SCPPPQ1: variants seen among roughly 807,000 people sequenced by gnomAD.
SCPPPQ1 encodes secretory calcium-binding phosphoprotein proline-glutamine rich 1, also known as secretory calcium-binding phosphoprotein proline- and glutamine-rich 1.
chr4:87,469,301 A>G, the SCPPPQ1 span, among the ~76,000 whole-genome samples: 6 of 152,222 alleles, frequency 3.9e-5, no homozygotes, highest in African/African-American at 1.2e-4. Flanking sequence ...CCTTAGATGC[A>G]TTAAAAAAAT....
the SCPPPQ1 span, among the ~76,000 whole-genome samples, chr4:87,462,905 GGA>G: frequency 6.6e-6 from 1 of 150,942 alleles, no homozygotes; most frequent in African/African-American, 2.4e-5. Flanking sequence ...GGCTGAGGCA[GGA>G]GAATCGCTTG....
chr4:87,462,629 C>A, the SCPPPQ1 span, among the ~76,000 whole-genome samples: 1 of 152,122 alleles, frequency 6.6e-6, no homozygotes, highest in African/African-American at 2.4e-5. Flanking sequence ...GCCTTGAGAT[C>A]AGTCCATTTC....
At chr4:87,465,404 T>A in the SCPPPQ1 span, among the ~76,000 whole-genome samples, 2 of 152,106 alleles carry the variant, frequency 1.3e-5, no homozygotes, top group African/African-American at 2.4e-5. Flanking sequence ...CCAAAGAGAA[T>A]GTTAGCCAGT....
At chr4:87,466,415 A>G in the SCPPPQ1 span, among the ~76,000 whole-genome samples, 1 of 152,148 alleles carries the variant, frequency 6.6e-6, no homozygotes, top group Non-Finnish European at 1.5e-5. Flanking sequence ...AGCAAACAAT[A>G]GGGAAACAAT....
At chr4:87,464,577 G>A in the SCPPPQ1 span, among the ~76,000 whole-genome samples, 5 of 152,076 alleles carry the variant, frequency 3.3e-5, no homozygotes, top group Non-Finnish European at 5.9e-5. Flanking sequence ...GGTGGCTCAC[G>A]CCTGTAATAC....
At chr4:87,461,252 C>T in the SCPPPQ1 span, among the ~76,000 whole-genome samples, 1 of 152,106 alleles carries the variant, frequency 6.6e-6, no homozygotes, top group Non-Finnish European at 1.5e-5. Flanking sequence ...GAAAGGTTGC[C>T]CGCAGTTTTA....
chr4:87,464,963 C>A, the SCPPPQ1 span, among the ~76,000 whole-genome samples: 1 of 152,156 alleles, frequency 6.6e-6, no homozygotes, highest in African/African-American at 2.4e-5. Context: ...TCAGTAAAAT[C>A]TTTTCAAAAG....
At chr4:87,466,983 A>G in the SCPPPQ1 span, among the ~76,000 whole-genome samples, 1 of 152,212 alleles carries the variant, frequency 6.6e-6, no homozygotes, top group African/African-American at 2.4e-5. Context: ...ATTTTAGACT[A>G]AAATAATTTT....
the SCPPPQ1 span, among the ~76,000 whole-genome samples, chr4:87,461,728 T>A: frequency 1.3e-5 from 2 of 152,204 alleles, no homozygotes; most frequent in Non-Finnish European, 2.9e-5. Flanking sequence ...TAACAGTATG[T>A]TTTCTTATGC....
chr4:87,464,327 T>C, the SCPPPQ1 span, among the ~76,000 whole-genome samples: 1 of 150,686 alleles, frequency 6.6e-6, no homozygotes, highest in South Asian at 2.1e-4. Flanking sequence ...TCATCATTTC[T>C]AAAGTTCAAT....
the SCPPPQ1 span, among the ~76,000 whole-genome samples, chr4:87,465,383 C>G: frequency 3.3e-5 from 5 of 151,920 alleles, no homozygotes; most frequent in Non-Finnish European, 5.9e-5. Flanking sequence ...ATATCAATAA[C>G]TAGTGGTCCC....
chr4:87,468,333 A>T, the SCPPPQ1 span, among the ~76,000 whole-genome samples: 1 of 152,200 alleles, frequency 6.6e-6, no homozygotes, highest in Non-Finnish European at 1.5e-5. Context: ...GGTGTTCTTG[A>T]TTTAGTTCTC....
At chr4:87,462,454 A>G in the SCPPPQ1 span, among the ~76,000 whole-genome samples, 1 of 151,364 alleles carries the variant, frequency 6.6e-6, no homozygotes, top group African/African-American at 2.4e-5. Flanking sequence ...AGGGATATAT[A>G]CCTTTTTGGT....
chr4:87,463,327 AAAC>A, the SCPPPQ1 span, among the ~76,000 whole-genome samples: 1 of 151,506 alleles, frequency 6.6e-6, no homozygotes, highest in African/African-American at 2.4e-5. Flanking sequence ...TTAAAAAAAA[AAAC>A]AACAAAAAAA....
At chr4:87,467,862 C>T in the SCPPPQ1 span, among the ~76,000 whole-genome samples, 1 of 152,060 alleles carries the variant, frequency 6.6e-6, no homozygotes, top group African/African-American at 2.4e-5. Flanking sequence ...AATGGTGGTA[C>T]TTGTGGTGGG....
At chr4:87,463,522 A>AAG in the SCPPPQ1 span, among the ~76,000 whole-genome samples, 1 of 152,196 alleles carries the variant, frequency 6.6e-6, no homozygotes, top group African/African-American at 2.4e-5. Context: ...TTACATATGC[A>AAG]AGTTAGTATA....
the SCPPPQ1 span, among the ~76,000 whole-genome samples, chr4:87,463,160 A>G: frequency 6.6e-6 from 1 of 152,170 alleles, no homozygotes; most frequent in East Asian, 1.9e-4. Flanking sequence ...AAATGAGTTT[A>G]TAACTTATGA....
At chr4:87,463,798 T>G in the SCPPPQ1 span, among the ~76,000 whole-genome samples, 1 of 152,200 alleles carries the variant, frequency 6.6e-6, no homozygotes, top group African/African-American at 2.4e-5. Context: ...GAATGATACT[T>G]GAACTAAAAT....
the SCPPPQ1 span, among the ~76,000 whole-genome samples, chr4:87,468,117 G>T: frequency 6.6e-6 from 1 of 152,178 alleles, no homozygotes; most frequent in Non-Finnish European, 1.5e-5. Context: ...CCACTATGGA[G>T]CATTATACCC....
Sources: allele counts gnomAD v4.1 joint callset (sites outside exome capture counted in the v4.1 genomes callset), GRCh38; gene constraint gnomAD v4.1.1; transcripts MANE v1.5; gene names NCBI Gene and HGNC (gene_info 2026-07-23, HGNC 2026-07-21).